The following ZFYVE9 variants were observed in gnomAD, a reference collection of about 807,000 sequenced individuals.
ZFYVE9 encodes zinc finger FYVE-type containing 9.
ZFYVE9 carries 43 observed loss-of-function variants against 126.7 expected under a neutral mutation model. The ratio of observed to expected loss-of-function variants is 0.34; its 90% CI spans 0.27 to 0.44. The LOEUF (loss-of-function observed/expected upper bound fraction) is 0.44. Among genes scored for constraint, ZFYVE9 ranks in the 20% least tolerant of loss-of-function variants. The probability of loss-of-function intolerance (pLI) is 1.00; values close to 1 mark genes in which losing one functional copy is unlikely to be tolerated. For synonymous variants in ZFYVE9, 521 were observed against 597.4 expected (o/e 0.87, Z 1.87); for missense variants, 1,476 against 1,697.0 (o/e 0.87, Z 2.29).
chr1:52,326,641 G>A (rs1646294268), intron 13 of ZFYVE9, among the ~76,000 whole-genome samples: 1 of 142,192 alleles, frequency 7.0e-6, no homozygotes, highest in African/African-American at 2.6e-5. Flanking sequence ...CTAAGGTCAG[G>A]AGTTCAAGAC....
chr1:52,202,608 C>T (rs1019812291), intron 1 of ZFYVE9, among the ~76,000 whole-genome samples: 1 of 151,898 alleles, frequency 6.6e-6, no homozygotes, highest in Non-Finnish European at 1.5e-5. Flanking sequence ...TGCATTCCGA[C>T]AGTCTGTGTC....
intron 1 of ZFYVE9, among the ~76,000 whole-genome samples, chr1:52,173,824 T>C (rs1166816163): frequency 2.0e-5 from 3 of 152,218 alleles, no homozygotes; most frequent in Non-Finnish European, 4.4e-5. Context: ...TGGTAGTTTG[T>C]ATTCCTGTGA....
intron 1 of ZFYVE9, among the ~76,000 whole-genome samples, chr1:52,188,018 C>T (rs1261543336): frequency 1.3e-5 from 2 of 152,186 alleles, no homozygotes; most frequent in African/African-American, 2.4e-5. Context: ...CATAAAGACA[C>T]ATGCATGCAT....
At chr1:52,277,943 G>A (rs1645764350) in intron 8 of ZFYVE9, among the ~76,000 whole-genome samples, 2 of 152,138 alleles carry the variant, frequency 1.3e-5, no homozygotes, top group South Asian at 4.1e-4. Context: ...TAAAGGAATT[G>A]TTTTATGAAG....
intron 7 of ZFYVE9, among the ~76,000 whole-genome samples, chr1:52,269,766 C>G (rs961389226): frequency 2.0e-5 from 3 of 151,806 alleles, no homozygotes; most frequent in East Asian, 1.9e-4. Flanking sequence ...TTTATTCCCC[C>G]CAACTGTTTT....
chr1:52,179,096 G>A (rs890768899), intron 1 of ZFYVE9, among the ~76,000 whole-genome samples: 4 of 152,178 alleles, frequency 2.6e-5, no homozygotes, highest in African/African-American at 9.7e-5. Flanking sequence ...GAGACACTGT[G>A]CCTGGCCACA....
rs548435505 is a variant in ZFYVE9, at chr1:52,324,242, C to G, written c.3439-8526C>G. Among the ~76,000 whole-genome samples, 799 of 114,494 alleles carry G rather than the reference C, an allele frequency of 7.0e-3. 16 individuals carry two copies. The highest frequency in any genetic ancestry group is 7.1e-3 in the Non-Finnish European group (390 of 55,158). 75.1% of individuals were successfully genotyped at this position (114,494 alleles called of 152,430 possible). ...CCAGCCGGGGCAACAGAACAAGACCCTGTCTCAAAAACACACACACACACA... is the reference window on the plus strand; with the variant it reads ...CCAGCCGGGGCAACAGAACAAGACCGTGTCTCAAAAACACACACACACACA... On this transcript the variant is annotated intron_variant, in intron 13 of 18. Coordinates refer to ENST00000287727, the MANE Select transcript of ZFYVE9 (RefSeq NM_004799.4).
chr1:52,295,168 C>T (rs1000018335), intron 11 of ZFYVE9, among the ~76,000 whole-genome samples: 6 of 152,044 alleles, frequency 3.9e-5, no homozygotes, highest in African/African-American at 1.4e-4. Context: ...GCACTCCAGC[C>T]TGGGTGACAG....
chr1:52,317,511 A>G (rs1160521278), intron 13 of ZFYVE9, among the ~76,000 whole-genome samples: 1 of 151,886 alleles, frequency 6.6e-6, no homozygotes, highest in Non-Finnish European at 1.5e-5. Flanking sequence ...AGAAAAAAAG[A>G]CATCTCAAAT....
intron 4 of ZFYVE9, chr1:52,252,763 G>A (rs1260735747): frequency 6.6e-6 from 3 of 456,488 alleles, no homozygotes; most frequent in African/African-American, 2.0e-5. Context: ...TGCTACCACT[G>A]TACTGGCCAT....
At chr1:52,314,514 C>G (rs1646164758) in intron 13 of ZFYVE9, among the ~76,000 whole-genome samples, 1 of 152,144 alleles carries the variant, frequency 6.6e-6, no homozygotes, top group Non-Finnish European at 1.5e-5. Flanking sequence ...AAAGCCCCAT[C>G]TCTACTAAAA....
intron 13 of ZFYVE9, 71 bp downstream of exon 13, chr1:52,303,996 A>AT: frequency 3.0e-6 from 3 of 999,010 alleles, no homozygotes; most frequent in Non-Finnish European, 4.3e-6. Context: ...GCATGATTAT[A>AT]TATAAATTTT....
chr1:52,299,379 T>C (rs1033668522), intron 12 of ZFYVE9, among the ~76,000 whole-genome samples: 2 of 152,220 alleles, frequency 1.3e-5, no homozygotes, highest in Admixed American at 6.5e-5. Flanking sequence ...CAATTTGACT[T>C]TCCAGTTTGG....
chr1:52,290,941 G>A (rs191866398), intron 10 of ZFYVE9, among the ~76,000 whole-genome samples: 1 of 152,226 alleles, frequency 6.6e-6, no homozygotes, highest in Non-Finnish European at 1.5e-5. Context: ...GAGGCTCAGA[G>A]AAGTAACTTG....
chr1:52,180,443 A>G, intron 1 of ZFYVE9: 1 of 1,313,060 alleles, frequency 7.6e-7, no homozygotes, highest in Non-Finnish European at 1.1e-6. Flanking sequence ...AATCTGGAGC[A>G]ATTAAGAGGG....
At chr1:52,314,183 G>T (rs1461728372) in intron 13 of ZFYVE9, among the ~76,000 whole-genome samples, 1 of 152,162 alleles carries the variant, frequency 6.6e-6, no homozygotes. Context: ...TAATCAAATT[G>T]TATAAAAATT....
intron 1 of ZFYVE9, among the ~76,000 whole-genome samples, chr1:52,191,929 TAGTG>T (rs1644819504): frequency 6.6e-6 from 1 of 152,084 alleles, no homozygotes; most frequent in Non-Finnish European, 1.5e-5. Flanking sequence ...TAAATAATGG[TAGTG>T]AGAAGAAATT....
intron 6 of ZFYVE9, 43 bp from the exon 7 acceptor site, chr1:52,268,420 C>A (rs1414645015): frequency 3.2e-6 from 5 of 1,582,576 alleles, no homozygotes; most frequent in Non-Finnish European, 4.3e-6. Flanking sequence ...GAAAACCTTC[C>A]AATGCCACAT....
chr1:52,211,458 G>C lies in ZFYVE9; in HGVS notation c.-142-4911G>C, dbSNP rs74367458. 2.6e-5 allele frequency among the ~76,000 whole-genome samples: 4 copies of C among 152,312 alleles called. No individual in the cohort carries two copies. In the South Asian group the frequency reaches 8.3e-4, roughly 32 times the overall value. On this transcript the variant is annotated intron_variant, in intron 1 of 18. Coordinates refer to ENST00000287727, the MANE Select transcript of ZFYVE9 (RefSeq NM_004799.4). Reference sequence around the variant, plus strand: ...AGACTAAGATTGGGAACAGAAAGAGGGGACTTGGAAGATTGAATGTGATTT... The same window carrying C: ...AGACTAAGATTGGGAACAGAAAGAGCGGACTTGGAAGATTGAATGTGATTT...
Sources: allele counts gnomAD v4.1 joint callset (sites outside exome capture counted in the v4.1 genomes callset), GRCh38; gene constraint gnomAD v4.1.1; transcripts MANE v1.5; gene names NCBI Gene and HGNC (gene_info 2026-07-23, HGNC 2026-07-21).